The following CPNE8 variants were observed in gnomAD, a reference collection of about 807,000 sequenced individuals.
The protein encoded by CPNE8 is copine-8.
A neutral mutation model predicts 81.5 loss-of-function variants in CPNE8; 45 were observed. That is an observed-to-expected ratio of 0.55 (90% confidence interval 0.44 to 0.71). CPNE8 has a LOEUF of 0.71. CPNE8 is among the 30% of genes least tolerant of loss of function. The probability of loss-of-function intolerance (pLI) is 0.00; values close to 1 mark genes in which losing one functional copy is unlikely to be tolerated. For missense variants in CPNE8, 594 were observed against 672.1 expected (o/e 0.88, Z 1.28); for synonymous variants, 252 against 226.3 (o/e 1.11, Z -1.02).
At chr12:38,836,697 T>C (rs187805303) in intron 5 of CPNE8, among the ~76,000 whole-genome samples, 7 of 152,172 alleles carry the variant, frequency 4.6e-5, no homozygotes, top group Non-Finnish European at 4.4e-5. Context: ...CTTTGCAAAA[T>C]TGGCAGGTAG....
intron 1 of CPNE8, among the ~76,000 whole-genome samples, chr12:38,877,788 A>G (rs1204324511): frequency 6.6e-6 from 1 of 152,170 alleles, no homozygotes; most frequent in Non-Finnish European, 1.5e-5. Flanking sequence ...AGGAAGAAAT[A>G]CTATCAGAAG....
chr12:38,797,325 C>A (rs77251838), intron 6 of CPNE8, among the ~76,000 whole-genome samples: 2 of 152,144 alleles, frequency 1.3e-5, no homozygotes, highest in South Asian at 2.1e-4. Flanking sequence ...ACACCTCACA[C>A]GGCCAGGTAC....
chr12:38,736,627 A>G (rs1323685733), intron 10 of CPNE8, among the ~76,000 whole-genome samples: 1 of 152,028 alleles, frequency 6.6e-6, no homozygotes, highest in African/African-American at 2.4e-5. Context: ...CTCCACATGA[A>G]GTATACTTTT....
chr12:38,866,095 G>A (rs924296811), intron 3 of CPNE8, among the ~76,000 whole-genome samples: 3 of 152,164 alleles, frequency 2.0e-5, no homozygotes, highest in African/African-American at 7.2e-5. Context: ...ATTTGTCTGA[G>A]TAACATACAA....
intron 3 of CPNE8, among the ~76,000 whole-genome samples, chr12:38,857,489 T>C (rs1210747449): frequency 1.3e-5 from 2 of 152,188 alleles, no homozygotes; most frequent in African/African-American, 2.4e-5. Context: ...TTTATCAATG[T>C]CGATATTCTG....
chr12:38,699,480 A>T (rs1021542509), intron 14 of CPNE8, among the ~76,000 whole-genome samples: 2 of 152,190 alleles, frequency 1.3e-5, no homozygotes, highest in African/African-American at 2.4e-5. Context: ...TGCTATTTTC[A>T]TTTAACAATA....
At chr12:38,692,917 C>T (rs1254295515) in intron 15 of CPNE8, among the ~76,000 whole-genome samples, 1 of 152,100 alleles carries the variant, frequency 6.6e-6, no homozygotes, top group Admixed American at 6.5e-5. Context: ...TATAAACATC[C>T]TTGGAGTTTC....
At chr12:38,755,896 C>T (rs1941446508) in intron 10 of CPNE8, among the ~76,000 whole-genome samples, 1 of 151,594 alleles carries the variant, frequency 6.6e-6, no homozygotes, top group African/African-American at 2.4e-5. Flanking sequence ...AAAAATTAGC[C>T]GGGCGTAGTG....
intron 1 of CPNE8, among the ~76,000 whole-genome samples, chr12:38,898,682 A>T (rs1480871099): frequency 6.6e-6 from 1 of 152,240 alleles, no homozygotes; most frequent in East Asian, 1.9e-4. Flanking sequence ...ATGCTAAGAG[A>T]TGAACCAATG....
intron 8 of CPNE8, 24 bp from the exon 9 acceptor site, chr12:38,762,240 A>G: frequency 2.2e-6 from 3 of 1,338,874 alleles, no homozygotes; most frequent in Non-Finnish European, 3.2e-6. Flanking sequence ...GTTTTCAGTT[A>G]TTTGCATGCT....
chr12:38,871,415 T>C (rs377446266), intron 3 of CPNE8, among the ~76,000 whole-genome samples: 142 of 152,328 alleles, frequency 9.3e-4, no homozygotes, highest in African/African-American at 3.2e-3. Context: ...CTGGCATCTA[T>C]GGTCAGTAAG....
At chr12:38,773,090 C>T (rs1045832450) in intron 7 of CPNE8, among the ~76,000 whole-genome samples, 11 of 151,970 alleles carry the variant, frequency 7.2e-5, no homozygotes, top group Non-Finnish European at 1.0e-4. Context: ...TTGTAACTTA[C>T]ATGAGGATTC....
intron 12 of CPNE8, among the ~76,000 whole-genome samples, chr12:38,724,417 C>A (rs917303580): frequency 3.3e-5 from 5 of 152,080 alleles, no homozygotes; most frequent in Admixed American, 1.3e-4. Flanking sequence ...ATTTAGTACA[C>A]CATTCCCACA....
intron 3 of CPNE8, among the ~76,000 whole-genome samples, chr12:38,870,639 T>C (rs989331963): frequency 6.6e-6 from 1 of 151,994 alleles, no homozygotes; most frequent in Non-Finnish European, 1.5e-5. Flanking sequence ...CCGGGGCCTG[T>C]CGGCGGGTGG....
chr12:38,669,258 T>G (rs957206634), intron 19 of CPNE8, among the ~76,000 whole-genome samples: 1 of 152,216 alleles, frequency 6.6e-6, no homozygotes, highest in Non-Finnish European at 1.5e-5. Context: ...GTTTTTATTT[T>G]AAAATTTAAT....
At chr12:38,899,084 C>T (rs528650209) in intron 1 of CPNE8, among the ~76,000 whole-genome samples, 1 of 152,212 alleles carries the variant, frequency 6.6e-6, no homozygotes, top group African/African-American at 2.4e-5. Flanking sequence ...CCACTTATTC[C>T]AGTAGAGAAG....
At chr12:38,775,176 G>A (rs1043114828) in intron 7 of CPNE8, among the ~76,000 whole-genome samples, 1 of 152,108 alleles carries the variant, frequency 6.6e-6, no homozygotes, top group Non-Finnish European at 1.5e-5. Flanking sequence ...CCAGGCTGGA[G>A]TGCAGTGGCA....
chr12:38,794,416 A>C (rs563901542), intron 6 of CPNE8, among the ~76,000 whole-genome samples: 1 of 152,298 alleles, frequency 6.6e-6, no homozygotes, highest in South Asian at 2.1e-4. Flanking sequence ...CCAAATAAGT[A>C]TATATCCAAT....
chr12:38,840,807 C>A (rs1022453898), intron 4 of CPNE8, among the ~76,000 whole-genome samples: 1 of 152,102 alleles, frequency 6.6e-6, no homozygotes. Context: ...AAAGAGTCTG[C>A]AATACGATCA....
Sources: gnomAD v4.1 joint callset for allele counts (sites outside exome capture counted in the v4.1 genomes callset) on GRCh38, gnomAD v4.1.1 for gene constraint, MANE v1.5 for transcripts, NCBI Gene and HGNC (gene_info 2026-07-23, HGNC 2026-07-21) for gene names.